Variants in IGSF9 observed in about 807,000 individuals in gnomAD.
The protein encoded by IGSF9 is immunoglobulin superfamily member 9.
Under a neutral mutation model 121.7 loss-of-function variants are expected in IGSF9, and 87 were observed. That is an observed-to-expected ratio of 0.71 (90% CI 0.60 to 0.85). IGSF9 has a LOEUF of 0.85. Ranked by LOEUF, IGSF9 falls within the 40% of genes least tolerant of loss-of-function variation. The probability of loss-of-function intolerance (pLI) is 0.00; values close to 1 mark genes in which losing one functional copy is unlikely to be tolerated. For missense variants in IGSF9, 1,462 were observed against 1,565.3 expected (o/e 0.93, Z 1.11); for synonymous variants, 640 against 648.4 (o/e 0.99, Z 0.20).
chr1:159,936,578 G>A (rs1333377452), intron 5 of IGSF9, 62 bp from the exon 6 acceptor site: 4 of 1,563,712 alleles, frequency 2.6e-6, no homozygotes, highest in African/African-American at 1.4e-5. Context: ...CTGCACTTCC[G>A]AGTTTGGCCA....
At position 159,943,021 on chromosome 1, in the gene IGSF9, C is replaced by G. The variant is rs761732539; in HGVS notation, c.189G>C (p.Leu63=). 1.2e-6 allele frequency: 2 copies of G among 1,613,034 alleles called. No homozygotes were observed. The highest frequency in any genetic ancestry group is 1.7e-6 in the Non-Finnish European group (2 of 1,179,590). The change falls in exon 3 of 21, where the codon CTG becomes CTC. Residue 63 remains leucine, a synonymous_variant. Transcript: ENST00000368094. The part of the protein sequence containing the change: ...HVIEWLRFGF[L]LPIFIQFGLY... The stretch of plus-strand genomic sequence containing the variant: ...GGCCGAACTGGATGAAGATGGGAAG[C>G]AGGAATCCAAAGCGCAGCCACTCGA...
rs775389533 is a variant in IGSF9, at chr1:159,928,900, G to C, written c.2488C>G (p.His830Asp). The C allele has an allele frequency of 5.0e-6, 8 of 1,594,328 alleles. No individual in the cohort carries two copies. The highest frequency in any genetic ancestry group is 1.7e-6 in the Non-Finnish European group (2 of 1,171,232). The change falls in exon 19 of 21, where the codon CAC becomes GAC. Residue 830 changes from histidine (H) to aspartate (D), a missense_variant. Around this residue, in one of 3 missense-constraint regions of IGSF9, gnomAD observed 808 missense variants for 815.2 expected, o/e 0.99. Transcript: ENST00000368094. ...WGDPAGTPSP[H>D]PDPPSSRGPL... The stretch of plus-strand genomic sequence containing the variant: ...CCCCGGCTAGATGGAGGATCCGGGT[G>C]GGGGCTGGGAGTTCCGGCAGGATCC...
Position 159,927,807 on chromosome 1 carries a change from A to G in IGSF9, c.3311T>C (p.Leu1104Pro). 1.2e-6 allele frequency: 2 copies of G among 1,613,946 alleles called. No individual in the cohort carries two copies. The highest frequency in any genetic ancestry group is 1.7e-6 in the Non-Finnish European group (2 of 1,179,968). Residue 1104 changes from leucine to proline, a missense_variant, in exon 20 of 21, where the codon CTG becomes CCG. Leu to Pro is a moderately conservative substitution (Grantham distance 98). Transcript: ENST00000368094. ...GDMELLETLH[L>P]GLASSRLRPE... ...TCTGAGCCGGGAGCTGGCCAAGCCC[A>G]GGTGCAAAGTCTCCAGCAATTCCAT...
In IGSF9 at chr1:159,927,378, T is replaced by C. The variant is rs759740077; in HGVS notation, c.3507A>G (p.Pro1169=). Residue 1169 remains proline, a synonymous_variant, in exon 21 of 21, where the codon CCA becomes CCG. Transcript: ENST00000368094. ...GAGTGGCCTGTTCGGGGTGGGGGAC[T>C]GGCTGTCGATAGGCTGGTAGCCGAG... is the stretch of plus-strand genomic sequence containing the variant. The part of the protein sequence containing the change: ...TRARLPAYRQ[P]VPHPEQATLL The C allele has an allele frequency of 3.7e-6, 6 of 1,613,646 alleles. No homozygotes were observed. Among genetic ancestry groups the C allele is most frequent in the Admixed American group, 3.3e-5 (2 of 59,998 alleles).
chr1:159,937,922 G>T, intron 3 of IGSF9, 84 bp from the exon 4 acceptor site: 1 of 1,399,232 alleles, frequency 7.1e-7, no homozygotes, highest in Non-Finnish European at 9.8e-7. Context: ...ATTCTTAGAG[G>T]TAAGAACAGG....
rs1651042448 is a variant in IGSF9 at position 159,932,760 on chromosome 1, G to T, written c.1105-108C>A. On this transcript the variant is annotated intron_variant, in intron 9 of 20. Coordinates refer to ENST00000368094, the MANE Select transcript of IGSF9 (RefSeq NM_001135050.2). The surrounding 1 kb of genome is among the most constrained non-coding windows in gnomAD (Gnocchi z 4.1). ...ATGAGAAACCCACAGCTGTGCAGAAGACTCCAGCAGCTCCATGTCTAGGCC... is the reference window on the plus strand; with the variant it reads ...ATGAGAAACCCACAGCTGTGCAGAATACTCCAGCAGCTCCATGTCTAGGCC... The T allele has an allele frequency of 7.3e-6, 8 of 1,099,150 alleles. No individual in the cohort carries two copies. In the East Asian group the frequency reaches 1.8e-4, roughly 25 times the overall value. The allele number at this position is 1,099,150 out of a possible 1,614,324, so 68.1% of individuals were successfully genotyped here.
Position 159,931,040 on chromosome 1 carries a change from A to T in IGSF9, c.1637+98T>A. On this transcript the variant is annotated intron_variant, in intron 13 of 20. Transcript: ENST00000368094. This position sits in a 1 kb window ranked among gnomAD's most constrained non-coding sequence, Gnocchi z 4.8. ...AGCAGAGCCAGGACTGGTGAGGGAT[A>T]GAGGGACAGAAGAAAGGGCAGAAGG... 6.4e-7 allele frequency: 1 copy of T among 1,551,380 alleles called. No individual in the cohort carries two copies.
chr1:159,943,807 G>T (rs146255446), intron 1 of IGSF9, among the ~76,000 whole-genome samples, 179 bp from the exon 2 acceptor site: 73 of 152,196 alleles, frequency 4.8e-4, no homozygotes, highest in African/African-American at 1.7e-3. Flanking sequence ...AGGAGTACTG[G>T]GAGAATGGTG....
In IGSF9 at chr1:159,936,795, G is replaced by A. The variant is rs767988842; in HGVS notation, c.514C>T (p.Leu172Phe). The part of the protein sequence containing the change: ...GSPLPHVTWK[L>F]RGKDLGQGQG... ...CCCTGGCCAAGGTCCTTTCCTCGGAGCTTCCACGTCACATGAGGCAGGGGG... is the reference window on the plus strand; with the variant it reads ...CCCTGGCCAAGGTCCTTTCCTCGGAACTTCCACGTCACATGAGGCAGGGGG... The change falls in exon 5 of 21, where the codon CTC becomes TTC. Residue 172 changes from leucine (L) to phenylalanine (F), a missense_variant. By Grantham distance (22) the Leu-to-Phe change is conservative. Coordinates refer to ENST00000368094, the MANE Select transcript of IGSF9 (RefSeq NM_001135050.2). 1.1e-5 allele frequency: 17 copies of A among 1,614,232 alleles called. No homozygotes were observed. Among genetic ancestry groups the A allele is most frequent in the Non-Finnish European group, 1.4e-5 (17 of 1,180,038 alleles).
At chr1:159,929,180 T>C in intron 18 of IGSF9, 162 bp from the exon 19 acceptor site, 1 of 1,287,960 alleles carries the variant, frequency 7.8e-7, no homozygotes, top group Non-Finnish European at 1.1e-6. Flanking sequence ...GCACAGGCCA[T>C]ACTGGAACGG....
chr1:159,929,866 C>T (rs373019104), intron 16 of IGSF9, 25 bp downstream of exon 16: 5 of 1,581,238 alleles, frequency 3.2e-6, no homozygotes, highest in Non-Finnish European at 4.3e-6. Flanking sequence ...AGCCCTGGGG[C>T]TCCTCCCTCA....
chr1:159,928,356 C>A lies in IGSF9; in HGVS notation c.3032G>T (p.Gly1011Val). ...GCCTCGAGGGGCAGCAGGGAGAAGG[C>A]CTGGCAGCAGCCGCTCCCTCAGTGT... is the stretch of plus-strand genomic sequence containing the variant. ...DWTLRERLLP[G>V]LLPAAPRGSL... Residue 1011 changes from glycine to valine, a missense_variant, in exon 19 of 21, where the codon GGC (glycine) becomes GTC (valine). Physicochemically the swap from Gly to Val is moderately radical, Grantham distance 109. Coordinates refer to ENST00000368094, the MANE Select transcript of IGSF9 (RefSeq NM_001135050.2). 1 of 1,609,356 alleles carries A rather than the reference C, an allele frequency of 6.2e-7. No individual in the cohort carries two copies. Among genetic ancestry groups the A allele is most frequent in the Non-Finnish European group, 8.5e-7 (1 of 1,178,060 alleles).
rs753815414 is a variant in IGSF9, at chr1:159,934,337, G to A, written c.962-5C>T. ...TAGCTGTCACCTGGGCTGGGTCTGG[G>A]GGAAAGTAGTGGCAAGTTGGGGGAG... On this transcript the variant is annotated splice_polypyrimidine_tract_variant and splice_region_variant and intron_variant, in intron 8 of 20. Coordinates refer to ENST00000368094, the MANE Select transcript of IGSF9 (RefSeq NM_001135050.2). 1.9e-6 allele frequency: 3 copies of A among 1,586,754 alleles called. No individual in the cohort carries two copies. The highest frequency in any genetic ancestry group is 2.6e-6 in the Non-Finnish European group (3 of 1,164,980).
intron 3 of IGSF9, 96 bp downstream of exon 3, chr1:159,942,867 A>AG (rs1243463208): frequency 1.0e-6 from 1 of 960,918 alleles, no homozygotes; most frequent in African/African-American, 1.6e-5. Context: ...AGATCAGAGC[A>AG]GGGACAAAGC....
chr1:159,928,834 G>T lies in IGSF9; in HGVS notation c.2554C>A (p.Arg852Ser). The T allele has an allele frequency of 6.5e-7, 1 of 1,542,436 alleles. No individual in the cohort carries two copies. The highest frequency in any genetic ancestry group is 8.7e-7 in the Non-Finnish European group (1 of 1,146,838). ...LEPICRGPDGRFVMGPTVAAP... is the reference protein window; with the variant it reads ...LEPICRGPDGSFVMGPTVAAP... ...GCCACAGTGGGCCCCATCACAAAGC[G>T]CCCGTCTGGGCCCCGGCAAATGGGC... Residue 852 changes from arginine to serine, a missense_variant, in exon 19 of 21, where the codon CGC becomes AGC. Arg to Ser is a moderately radical substitution (Grantham distance 110, BLOSUM62 -1). This residue lies in a region of IGSF9 where 808 missense variants were observed against 815.2 expected (regional missense o/e 0.99). Coordinates refer to ENST00000368094, the MANE Select transcript of IGSF9 (RefSeq NM_001135050.2).
chr1:159,931,770 T>C lies in IGSF9; in HGVS notation c.1362+42A>G, dbSNP rs558742840. ...GGCTGGGGCACGAGAGGCAGGGGTGTAGTGGGCGTGGGTACAGGCAGAGCG... is the reference window on the plus strand; with the variant it reads ...GGCTGGGGCACGAGAGGCAGGGGTGCAGTGGGCGTGGGTACAGGCAGAGCG... On this transcript the variant is annotated intron_variant, in intron 11 of 20. Transcript: ENST00000368094. This position sits in a 1 kb window ranked among gnomAD's most constrained non-coding sequence, Gnocchi z 4.8. The C allele has an allele frequency of 6.8e-7, 1 of 1,460,520 alleles. No homozygotes were observed. Among genetic ancestry groups the C allele is most frequent in the East Asian group, 2.3e-5 (1 of 43,704 alleles). The allele number at this position is 1,460,520 out of a possible 1,614,324, so 90.5% of individuals were successfully genotyped here. A position where few individuals can be genotyped will look rare whatever the true frequency, so the allele number is the denominator to read the frequency against.
rs755477737 is a variant in IGSF9 at position 159,936,459 on chromosome 1, T to A, written c.613A>T (p.Thr205Ser). The change falls in exon 6 of 21, where the codon ACC becomes TCC. Residue 205 changes from threonine (T) to serine (S), a missense_variant. Coordinates refer to ENST00000368094, the MANE Select transcript of IGSF9 (RefSeq NM_001135050.2). ...RVERGSSGVY[T>S]CQASSTEGSA... ...CCCTCAGTGCTGGAGGCTTGGCAGG[T>A]GTAGACCCCAGAGCTGCCTCGCTCT... is the stretch of plus-strand genomic sequence containing the variant. The A allele has an allele frequency of 3.1e-6, 5 of 1,612,884 alleles. No individual in the cohort carries two copies. Among genetic ancestry groups the A allele is most frequent in the Middle Eastern group, 1.6e-4 (1 of 6,070 alleles).
chr1:159,942,790 G>C (rs1361831302), intron 3 of IGSF9, among the ~76,000 whole-genome samples, 173 bp downstream of exon 3: 1 of 151,990 alleles, frequency 6.6e-6, no homozygotes, highest in Non-Finnish European at 1.5e-5. Flanking sequence ...ATCTTTCAAT[G>C]AATTAACACT....
Position 159,929,352 on chromosome 1 carries a change from G to A in IGSF9, c.2368C>T (p.Pro790Ser). The A allele has an allele frequency of 6.2e-7, 1 of 1,614,154 alleles. No individual in the cohort carries two copies. The highest frequency in any genetic ancestry group is 1.1e-5 in the South Asian group (1 of 91,086). ...AGCCAAGGAGGTGGAGGCACTTACG[G>A]TGCAGCTGACTTCCCGGTCGGAGAG... ...IFSPTGKSAA[P>S]SALGSGSPDS... is the part of the protein sequence containing the mutation. The change falls in exon 18 of 21, where the codon CCC (proline) becomes TCC (serine). Residue 790 changes from proline (P) to serine (S), a missense_variant and splice_region_variant. Around this residue, in one of 3 missense-constraint regions of IGSF9, gnomAD observed 808 missense variants for 815.2 expected, o/e 0.99. Transcript: ENST00000368094.
Sources: gnomAD v4.1 joint callset for allele counts (sites outside exome capture counted in the v4.1 genomes callset) on GRCh38, gnomAD v4.1.1 for gene constraint, gnomAD v4.1.1 regional missense constraint, Gnocchi (gnomAD v3.1) non-coding constraint, MANE v1.5 for transcripts, NCBI Gene and HGNC (gene_info 2026-07-23, HGNC 2026-07-21) for gene names.